Variants in MYBPC2 observed in about 807,000 individuals in gnomAD.
MYBPC2 encodes myosin binding protein C2.
In MYBPC2, 122 loss-of-function variants were observed where a neutral mutation model predicts 137.0. That is an observed-to-expected ratio of 0.89 (90% CI 0.77 to 1.03). The LOEUF (loss-of-function observed/expected upper bound fraction) is 1.03. MYBPC2 is among the 50% of genes least tolerant of loss of function. MYBPC2 has a pLI of 0.00. For synonymous variants in MYBPC2, 626 were observed against 612.3 expected (o/e 1.02, Z -0.33); for missense variants, 1,500 against 1,534.4 (o/e 0.98, Z 0.37).
At chr19:50,446,728 G>T (rs538148446) in intron 12 of MYBPC2, among the ~76,000 whole-genome samples, 1 of 150,204 alleles carries the variant, frequency 6.7e-6, no homozygotes, top group Non-Finnish European at 1.5e-5. Flanking sequence ...GCTGAGGCAG[G>T]AGAATCGCTT....
At chr19:50,459,086 A>ACCCCCCC in intron 22 of MYBPC2, 25 bp from the exon 23 acceptor site, 1 of 1,260,390 alleles carries the variant, frequency 7.9e-7, no homozygotes, top group Non-Finnish European at 1.1e-6. Context: ...CGCTGACCCC[A>ACCCCCCC]CCCCGCCCCG....
Position 50,445,906 on chromosome 19 carries a change from G to T in MYBPC2, c.1160G>T (p.Arg387Leu), listed in dbSNP as rs35449474. Residue 387 changes from arginine to leucine, a missense_variant, in exon 12 of 28, where the codon CGG (arginine) becomes CTG (leucine). Coordinates refer to ENST00000357701, the MANE Select transcript of MYBPC2 (RefSeq NM_004533.4). ...MWMKDGVELT[R>L]EDSFKARYRF... The stretch of plus-strand genomic sequence containing the variant: ...ATGAAAGATGGTGTGGAACTGACTC[G>T]GGAGGATTCCTTCAAGGCCCGGTAC... 2 of 1,608,956 alleles carry T rather than the reference G, an allele frequency of 1.2e-6. No homozygotes were observed. Among genetic ancestry groups the T allele is most frequent in the Non-Finnish European group, 1.7e-6 (2 of 1,177,728 alleles).
At chr19:50,456,775 C>T (rs149018550) in intron 20 of MYBPC2, among the ~76,000 whole-genome samples, 2 of 152,180 alleles carry the variant, frequency 1.3e-5, no homozygotes, top group South Asian at 2.1e-4. Context: ...CTCTTCACCA[C>T]TATCTTTGCT....
At chr19:50,433,455 A>T (rs1238924955) in intron 1 of MYBPC2, among the ~76,000 whole-genome samples, 1 of 150,256 alleles carries the variant, frequency 6.7e-6, no homozygotes, top group Admixed American at 6.6e-5. Flanking sequence ...CCGGGGCTGG[A>T]CTGCATTGGT....
chr19:50,464,473 C>T lies in MYBPC2; in HGVS notation c.3356C>T (p.Thr1119Ile). The T allele has an allele frequency of 1.2e-6, 2 of 1,613,166 alleles. No individual in the cohort carries two copies. Among genetic ancestry groups the T allele is most frequent in the South Asian group, 1.1e-5 (1 of 90,816 alleles). ...RPSPFDAGTY[T>I]CRAVNELGEA... ...TCGCCCTTCGACGCTGGGACTTACA[C>T]CTGCCGGGCCGTCAACGAGCTGGGC... Residue 1119 changes from threonine (T) to isoleucine (I), a missense_variant, in exon 27 of 28, where the codon ACC (threonine) becomes ATC (isoleucine). Physicochemically the swap from Thr to Ile is moderately conservative, Grantham distance 89. Transcript: ENST00000357701.
intron 7 of MYBPC2, among the ~76,000 whole-genome samples, chr19:50,440,323 AAAATAAAT>A (rs58778063): frequency 0.023 from 3,217 of 139,078 alleles, 104 homozygotes; most frequent in African/African-American, 0.077. Context: ...CTGTGGAAAT[AAAATAAAT>A]AAATAAATAA....
At chr19:50,439,822 C>T (rs1297626967) in intron 7 of MYBPC2, among the ~76,000 whole-genome samples, 2 of 152,134 alleles carry the variant, frequency 1.3e-5, no homozygotes, top group African/African-American at 2.4e-5. Context: ...AGGGTCCCAC[C>T]GGGGCCTGTG....
chr19:50,459,207 T>A lies in MYBPC2; in HGVS notation c.2692T>A (p.Phe898Ile). 6.2e-7 allele frequency: 1 copy of A among 1,610,838 alleles called. No homozygotes were observed. Among genetic ancestry groups the A allele is most frequent in the East Asian group, 2.2e-5 (1 of 44,708 alleles). ...VRTSDFDTVF[F>I]VRQAARSDSG... The stretch of plus-strand genomic sequence containing the variant: ...GACCAGCGACTTCGACACCGTGTTC[T>A]TCGTGCGCCAGGCGGCCCGCTCCGA... The change falls in exon 23 of 28, where the codon TTC (phenylalanine) becomes ATC (isoleucine). Residue 898 changes from phenylalanine to isoleucine, a missense_variant. By Grantham distance (21) the Phe-to-Ile change is conservative. Transcript: ENST00000357701.
chr19:50,438,305 T>C (rs1482574434), intron 7 of MYBPC2, among the ~76,000 whole-genome samples: 1 of 151,956 alleles, frequency 6.6e-6, no homozygotes, highest in African/African-American at 2.4e-5. Context: ...GAATGGGATG[T>C]TGGATTTGGT....
chr19:50,446,144 C>A (rs1374273973), intron 12 of MYBPC2, 92 bp downstream of exon 12: 1 of 1,399,226 alleles, frequency 7.1e-7, no homozygotes, highest in Non-Finnish European at 9.7e-7. Context: ...GGAAGTTGTT[C>A]CTGACTCCTC....
At chr19:50,434,993 G>A (rs1399660809) in intron 1 of MYBPC2, among the ~76,000 whole-genome samples, 168 bp from the exon 2 acceptor site, 3 of 133,876 alleles carry the variant, frequency 2.2e-5, no homozygotes, top group Non-Finnish European at 4.5e-5. Flanking sequence ...GGGTCTGAGG[G>A]AGGAGGGGCT....
Position 50,466,288 on chromosome 19 carries a change from A to T in MYBPC2, c.*83A>T. The stretch of plus-strand genomic sequence containing the variant: ...CCTCCCAGGACTGTGTTCTTTCTGG[A>T]GTTTTCGCTGAGAACAAAACAGTGT... On this transcript the variant is annotated 3_prime_UTR_variant, in exon 28 of 28. Transcript: ENST00000357701. This position sits in a 1 kb window ranked among gnomAD's most constrained non-coding sequence, Gnocchi z 4.9. The T allele has an allele frequency of 1.3e-6, 2 of 1,586,338 alleles. No homozygotes were observed. Among genetic ancestry groups the T allele is most frequent in the South Asian group, 2.2e-5 (2 of 89,782 alleles).
intron 9 of MYBPC2, among the ~76,000 whole-genome samples, chr19:50,443,053 T>C (rs537786556): frequency 1.7e-4 from 26 of 151,972 alleles, no homozygotes; most frequent in Non-Finnish European, 3.5e-4. Flanking sequence ...GGATTACAGG[T>C]GTGACTGGCC....
chr19:50,437,115 G>C (rs531918797), intron 5 of MYBPC2, among the ~76,000 whole-genome samples: 2 of 152,056 alleles, frequency 1.3e-5, no homozygotes, highest in African/African-American at 4.8e-5. Flanking sequence ...CGGATTTGAG[G>C]GCACATATAT....
intron 26 of MYBPC2, among the ~76,000 whole-genome samples, chr19:50,462,487 A>C: frequency 6.6e-6 from 1 of 150,466 alleles, no homozygotes; most frequent in African/African-American, 2.4e-5. Flanking sequence ...CCCAGACTGG[A>C]CTTGCTCACT....
At chr19:50,452,500 GTATGTATGTATCTATCTATCTATC>G (rs1462705830) in intron 16 of MYBPC2, among the ~76,000 whole-genome samples, 4 of 93,500 alleles carry the variant, frequency 4.3e-5, no homozygotes, top group African/African-American at 1.7e-4. Flanking sequence ...ATGTATGTAT[GTATGTATGTATCTATCTATCTATC>G]TATCTATCTA....
At position 50,455,134 on chromosome 19, in the gene MYBPC2, G is replaced by C; in HGVS notation, c.2041G>C (p.Gly681Arg). ...GTACCTCGTAGAGCGGAAGAAGAAG[G>C]GCTCTCAGCGCTGGATGAAGCTGAA... Reference protein sequence around the residue: ...TGYLVERKKKGSQRWMKLNFE... With the variant: ...TGYLVERKKKRSQRWMKLNFE... Residue 681 changes from glycine to arginine, a missense_variant, in exon 19 of 28, where the codon GGC becomes CGC. Physicochemically the swap from Gly to Arg is moderately radical, Grantham distance 125 (BLOSUM62 -2). Coordinates refer to ENST00000357701, the MANE Select transcript of MYBPC2 (RefSeq NM_004533.4). The C allele has an allele frequency of 6.2e-7, 1 of 1,613,346 alleles. No homozygotes were observed. Among genetic ancestry groups the C allele is most frequent in the Non-Finnish European group, 8.5e-7 (1 of 1,179,750 alleles).
chr19:50,434,122 C>G (rs1192636459), intron 1 of MYBPC2, among the ~76,000 whole-genome samples: 1 of 151,958 alleles, frequency 6.6e-6, no homozygotes, highest in Non-Finnish European at 1.5e-5. Context: ...CCTTGGGAGG[C>G]CAAGGTGGGT....
rs971254854 is a variant in MYBPC2, at chr19:50,465,451, G to A, written c.3416-744G>A. Among the ~76,000 whole-genome samples the A allele has an allele frequency of 1.3e-5, 2 of 152,222 alleles. No individual in the cohort carries two copies. The highest frequency in any genetic ancestry group is 2.9e-5 in the Non-Finnish European group (2 of 68,028). ...GATGACATCAATGTGGACTTCCAGA[G>A]TCCCTCCCGGATGGTGACTTCTGAC... On this transcript the variant is annotated intron_variant, in intron 27 of 27. Transcript: ENST00000357701. This position sits in a 1 kb window ranked among gnomAD's most constrained non-coding sequence, Gnocchi z 4.5.
Sources: allele counts gnomAD v4.1 joint callset (sites outside exome capture counted in the v4.1 genomes callset), GRCh38; gene constraint gnomAD v4.1.1; non-coding constraint Gnocchi (gnomAD v3.1); transcripts MANE v1.5; gene names NCBI Gene and HGNC (gene_info 2026-07-23, HGNC 2026-07-21).